Variants in ZNF320 observed in about 807,000 individuals in gnomAD.
ZNF320 encodes zinc finger gene 320.
Under a neutral mutation model 6.8 loss-of-function variants are expected in ZNF320, and 2 were observed. The observed-to-expected ratio is 0.29, with a 90% CI of 0.12 to 0.93. ZNF320 has a LOEUF of 0.93. Ranked by LOEUF, ZNF320 falls within the 40% of genes least tolerant of loss-of-function variation. The probability of loss-of-function intolerance (pLI) is 0.55; values close to 1 mark genes in which losing one functional copy is unlikely to be tolerated. For synonymous variants in ZNF320, 208 were observed against 203.2 expected (o/e 1.02, Z -0.20); for missense variants, 472 against 611.0 (o/e 0.77, Z 2.40).
upstream of ZNF320, among the ~76,000 whole-genome samples, chr19:52,898,410 C>A (rs533152650): frequency 6.6e-6 from 1 of 152,104 alleles, no homozygotes; most frequent in Non-Finnish European, 1.5e-5. Context: ...CCGCTGAGCC[C>A]GGAGGTCCAG....
exon 6 of ZNF320, among the ~76,000 whole-genome samples, chr19:52,861,476 G>C (rs1049683307): frequency 6.6e-6 from 1 of 152,106 alleles, no homozygotes; most frequent in Non-Finnish European, 1.5e-5. Flanking sequence ...ATCCCTATCA[G>C]ATTGTGTTAA....
At chr19:52,871,966 C>T (rs1020704140), downstream of ZNF320, among the ~76,000 whole-genome samples, 1 of 152,206 alleles carries the variant, frequency 6.6e-6, no homozygotes. Flanking sequence ...CAGGGTCCCC[C>T]TTCGTCTTCA....
downstream of ZNF320, among the ~76,000 whole-genome samples, chr19:52,872,341 C>T (rs1327735739): frequency 6.6e-6 from 1 of 152,192 alleles, no homozygotes; most frequent in African/African-American, 2.4e-5. Context: ...GGGCCTGCCC[C>T]TCCACACCTG....
chr19:52,892,760 TGG>T (rs1173117676), intron 2 of ZNF320, among the ~76,000 whole-genome samples: 7 of 150,850 alleles, frequency 4.6e-5, no homozygotes, highest in African/African-American at 9.8e-5. Flanking sequence ...TATACCTCCC[TGG>T]CCCCACTCTC....
At chr19:52,883,497 C>T in intron 5 of ZNF320, 2 of 352,686 alleles carry the variant, frequency 5.7e-6, no homozygotes, top group South Asian at 4.0e-5. Context: ...AGAAAAAGGC[C>T]ATAACTTGTA....
chr19:52,882,793 T>G (rs928838203), intron 5 of ZNF320, among the ~76,000 whole-genome samples: 1 of 152,066 alleles, frequency 6.6e-6, no homozygotes, highest in African/African-American at 2.4e-5. Context: ...ATAGAAAATG[T>G]AGCCGGGCAT....
At chr19:52,898,744 C>A (rs964433366), upstream of ZNF320, among the ~76,000 whole-genome samples, 1 of 152,150 alleles carries the variant, frequency 6.6e-6, no homozygotes, top group African/African-American at 2.4e-5. Context: ...GATGCATGCA[C>A]CGGTGGTCAG....
At chr19:52,872,752 C>T (rs1003522949), downstream of ZNF320, among the ~76,000 whole-genome samples, 2 of 152,108 alleles carry the variant, frequency 1.3e-5, no homozygotes, top group East Asian at 1.9e-4. Context: ...CTGCCTGCCT[C>T]GGCCTCCCAA....
chr19:52,880,586 G>A lies in ZNF320; in HGVS notation c.*10C>T. 6.3e-7 allele frequency: 1 copy of A among 1,584,634 alleles called. No homozygotes were observed. Among genetic ancestry groups the A allele is most frequent in the South Asian group, 1.2e-5 (1 of 84,908 alleles). On this transcript the variant is annotated 3_prime_UTR_variant, in exon 6 of 6. Coordinates refer to ENST00000682928, the MANE Select transcript of ZNF320 (RefSeq NM_001351774.2). ...CTCAAACTCAGGTCAATGCTGATTTGACTCTGATGTCAATTAATGCTTGAT... is the reference window on the plus strand; with the variant it reads ...CTCAAACTCAGGTCAATGCTGATTTAACTCTGATGTCAATTAATGCTTGAT...
chr19:52,891,183 C>T (rs556039824), intron 3 of ZNF320, 46 bp downstream of exon 3: 1 of 151,984 alleles, frequency 6.6e-6, no homozygotes, highest in Non-Finnish European at 1.5e-5. Context: ...TAAAACAAAA[C>T]TACAAATACA....
At chr19:52,902,943 C>T in the ZNF320 span, among the ~76,000 whole-genome samples, 1 of 152,276 alleles carries the variant, frequency 6.6e-6, no homozygotes, top group Admixed American at 6.5e-5. Context: ...ATTTTCTTTA[C>T]AATTAATGTT....
In ZNF320 at chr19:52,877,341, G is replaced by T. The variant is rs968098099; in HGVS notation, c.*3255C>A. 6.6e-6 allele frequency: 1 copy of T among 152,248 alleles called. No individual in the cohort carries two copies. The highest frequency in any genetic ancestry group is 1.5e-5 in the Non-Finnish European group (1 of 68,066). 9.4% of individuals were successfully genotyped at this position (152,248 alleles called of 1,614,324 possible). On this transcript the variant is annotated 3_prime_UTR_variant, in exon 6 of 6. Transcript: ENST00000682928. ...TTGGGGACCTTCTGGGTCACAGGTA[G>T]ATAACAAATAACATTCTTTGAATCT...
chr19:52,865,720 C>T (rs1474240899), intron 5 of ZNF320, among the ~76,000 whole-genome samples: 5 of 109,816 alleles, frequency 4.6e-5, no homozygotes, highest in African/African-American at 1.2e-4. Flanking sequence ...TGATTATACA[C>T]ATATTTATAT....
downstream of ZNF320, chr19:52,874,253 A>G (rs1321689717): frequency 1.7e-5 from 3 of 179,454 alleles, no homozygotes; most frequent in Non-Finnish European, 3.5e-5. Flanking sequence ...ATTTTGACCC[A>G]TTTTCAGATC....
chr19:52,888,652 A>G (rs1021871346), intron 4 of ZNF320, among the ~76,000 whole-genome samples: 21 of 151,024 alleles, frequency 1.4e-4, no homozygotes, highest in Non-Finnish European at 3.1e-4. Flanking sequence ...AATACATGAA[A>G]GTAAAATTAC....
chr19:52,895,849 C>A (rs1416967763), intron 1 of ZNF320: 1 of 151,664 alleles, frequency 6.6e-6, no homozygotes, highest in Non-Finnish European at 1.5e-5. Flanking sequence ...AACCTAAAAT[C>A]ATTTATCAGG....
intron 5 of ZNF320, among the ~76,000 whole-genome samples, chr19:52,882,393 T>C (rs370730729): frequency 5.9e-5 from 9 of 152,348 alleles, no homozygotes; most frequent in African/African-American, 1.7e-4. Flanking sequence ...GACAATGTAC[T>C]ATATTGGTAA....
rs2064230988 is a variant in ZNF320 at position 52,889,876 on chromosome 19, G to A, written c.15+365C>T. ...ATGCACTTTGTGCACATTAATATGT[G>A]ACTTCCATTGGCAGCTGCTCTAATC... On this transcript the variant is annotated intron_variant, in intron 4 of 5. Transcript: ENST00000682928. Among the ~76,000 whole-genome samples, 3 of 152,048 alleles carry A rather than the reference G, an allele frequency of 2.0e-5. No homozygotes were observed. In the South Asian group the frequency reaches 6.2e-4, roughly 32 times the overall value.
intron 5 of ZNF320, among the ~76,000 whole-genome samples, chr19:52,869,104 C>A (rs58664696): frequency 2.4e-3 from 338 of 141,886 alleles, no homozygotes; most frequent in Admixed American, 3.1e-3. Flanking sequence ...GTGCATGCAC[C>A]TCTGTGGGAA....
Sources: gnomAD v4.1 joint callset for allele counts (sites outside exome capture counted in the v4.1 genomes callset) on GRCh38, gnomAD v4.1.1 for gene constraint, MANE v1.5 for transcripts, NCBI Gene and HGNC (gene_info 2026-07-23, HGNC 2026-07-21) for gene names.